The following ATP9B variants were observed in gnomAD, a reference collection of about 807,000 sequenced individuals.
The protein encoded by ATP9B is ATPase phospholipid transporting 9B.
ATP9B carries 110 observed loss-of-function variants against 146.1 expected under a neutral mutation model. That is an observed-to-expected ratio of 0.75 (90% CI 0.65 to 0.88). The LOEUF is 0.88. Ranked by LOEUF, ATP9B falls within the 40% of genes least tolerant of loss-of-function variation. The probability of loss-of-function intolerance (pLI) is 0.00; values close to 1 mark genes in which losing one functional copy is unlikely to be tolerated. For synonymous variants in ATP9B, 604 were observed against 569.7 expected (o/e 1.06, Z -0.86); for missense variants, 1,499 against 1,496.4 (o/e 1.00, Z -0.03).
intron 10 of ATP9B, among the ~76,000 whole-genome samples, chr18:79,209,343 G>A (rs2095562897): frequency 6.6e-6 from 1 of 152,172 alleles, no homozygotes; most frequent in South Asian, 2.1e-4. Flanking sequence ...AGAATCATTC[G>A]TGAAGATAGT....
intron 8 of ATP9B, among the ~76,000 whole-genome samples, chr18:79,187,944 T>TG (rs1568360877): frequency 6.6e-6 from 1 of 152,012 alleles, no homozygotes; most frequent in Admixed American, 6.5e-5. Context: ...GATTTTTTTT[T>TG]TAAGTGATTG....
chr18:79,157,965 GT>G lies in ATP9B; in HGVS notation c.778+3414del, dbSNP rs367712002. Reference sequence around the variant, plus strand: ...GATCTTTTAAAATAACCAGCTTTTGGTTTTAATGATTTTTCTCACTTGTTTT... The same window carrying G: ...GATCTTTTAAAATAACCAGCTTTTGGTTTAATGATTTTTCTCACTTGTTTT... On this transcript the variant is annotated intron_variant, in intron 7 of 29. Transcript: ENST00000426216. Among the ~76,000 whole-genome samples the G allele has an allele frequency of 3.7e-3, 569 of 152,044 alleles. 3 individuals are homozygous for G. Among genetic ancestry groups the G allele is most frequent in the South Asian group, 0.024 (117 of 4,812 alleles).
intron 11 of ATP9B, among the ~76,000 whole-genome samples, chr18:79,227,089 T>C (rs1447602103): frequency 6.6e-6 from 1 of 152,178 alleles, no homozygotes; most frequent in East Asian, 1.9e-4. Context: ...CCTGTTACTT[T>C]CCTTGATTGA....
At chr18:79,200,354 A>C (rs550936610) in intron 9 of ATP9B, among the ~76,000 whole-genome samples, 2 of 152,356 alleles carry the variant, frequency 1.3e-5, no homozygotes, top group East Asian at 3.9e-4. Flanking sequence ...ATCCATTATG[A>C]TAGTTGGAGA....
intron 1 of ATP9B, among the ~76,000 whole-genome samples, chr18:79,082,936 C>G (rs1228389509): frequency 6.6e-6 from 1 of 152,216 alleles, no homozygotes; most frequent in Admixed American, 6.5e-5. Flanking sequence ...AAGCGCTGTG[C>G]TGGGAGATAC....
At chr18:79,356,316 T>C (rs1331183049) in intron 25 of ATP9B, among the ~76,000 whole-genome samples, 1 of 151,674 alleles carries the variant, frequency 6.6e-6, no homozygotes, top group African/African-American at 2.4e-5. Flanking sequence ...TGAGCGTTTA[T>C]ACCCTCTCAC....
At chr18:79,077,468 GTGT>G (rs1454768794) in intron 1 of ATP9B, among the ~76,000 whole-genome samples, 1 of 152,190 alleles carries the variant, frequency 6.6e-6, no homozygotes, top group Non-Finnish European at 1.5e-5. Context: ...TGCATGGGTG[GTGT>G]TACCTTTTAG....
intron 11 of ATP9B, among the ~76,000 whole-genome samples, chr18:79,231,942 A>G (rs937982008): frequency 6.6e-6 from 1 of 152,120 alleles, no homozygotes; most frequent in African/African-American, 2.4e-5. Context: ...ATCTGTTCTC[A>G]TAAGTGGGAG....
At chr18:79,106,905 G>A (rs1391850945) in intron 2 of ATP9B, among the ~76,000 whole-genome samples, 2 of 152,118 alleles carry the variant, frequency 1.3e-5, no homozygotes, top group Admixed American at 6.6e-5. Context: ...GTGGTCTTGC[G>A]TTTATAGTGT....
intron 15 of ATP9B, among the ~76,000 whole-genome samples, chr18:79,311,879 C>G (rs2096654339): frequency 6.6e-6 from 1 of 152,204 alleles, no homozygotes; most frequent in African/African-American, 2.4e-5. Context: ...CTGTCACCAT[C>G]ACCGGAGCTT....
At chr18:79,190,383 T>G (rs1045828688) in intron 8 of ATP9B, among the ~76,000 whole-genome samples, 1 of 152,104 alleles carries the variant, frequency 6.6e-6, no homozygotes, top group Non-Finnish European at 1.5e-5. Flanking sequence ...TCTAACAGAT[T>G]TATTGAAGAA....
intron 4 of ATP9B, among the ~76,000 whole-genome samples, chr18:79,118,224 AT>A (rs897796852): frequency 2.0e-5 from 3 of 152,064 alleles, no homozygotes; most frequent in African/African-American, 7.2e-5. Context: ...TTGCTTATGC[AT>A]TTGTGCAAAA....
intron 11 of ATP9B, among the ~76,000 whole-genome samples, chr18:79,215,412 C>A (rs2095618728): frequency 6.6e-6 from 1 of 152,124 alleles, no homozygotes. Flanking sequence ...CCCCAGATAT[C>A]TGTGTGTTAC....
intron 9 of ATP9B, among the ~76,000 whole-genome samples, chr18:79,197,282 G>T (rs1398330970): frequency 6.6e-6 from 1 of 152,020 alleles, no homozygotes; most frequent in East Asian, 1.9e-4. Context: ...ATTGGTAATG[G>T]AGACACTGCA....
rs75692892 is a variant in ATP9B at position 79,267,342 on chromosome 18, T to C, written c.1269-9712T>C. On this transcript the variant is annotated intron_variant, in intron 12 of 29. Coordinates refer to ENST00000426216, the MANE Select transcript of ATP9B (RefSeq NM_198531.5). ...CCACTCTTCCAATAGGTTTGCCAGCTTTCATTTCTTATGGAAATACCTACT... is the reference window on the plus strand; with the variant it reads ...CCACTCTTCCAATAGGTTTGCCAGCCTTCATTTCTTATGGAAATACCTACT... 5.9e-5 allele frequency among the ~76,000 whole-genome samples: 9 copies of C among 152,208 alleles called. No individual in the cohort carries two copies. The East Asian group carries it at 1.7e-3, about 29-fold the overall frequency.
At chr18:79,185,348 T>G (rs2095297695) in intron 8 of ATP9B, among the ~76,000 whole-genome samples, 1 of 29,350 alleles carries the variant, frequency 3.4e-5, no homozygotes, top group South Asian at 8.8e-4. Flanking sequence ...ATAAGGATAC[T>G]TTCTTTATTT....
At chr18:79,364,842 A>G (rs554083287) in intron 26 of ATP9B, among the ~76,000 whole-genome samples, 4 of 152,234 alleles carry the variant, frequency 2.6e-5, no homozygotes, top group South Asian at 2.1e-4. Flanking sequence ...TGGGCAATAT[A>G]GTGAGACCGT....
In ATP9B at chr18:79,162,894, G is replaced by A. The variant is rs530894271; in HGVS notation, c.778+8339G>A. 1.2e-4 allele frequency among the ~76,000 whole-genome samples: 19 copies of A among 152,278 alleles called. No homozygotes were observed. The South Asian group carries it at 3.9e-3, about 32-fold the overall frequency. On this transcript the variant is annotated intron_variant, in intron 7 of 29. Transcript: ENST00000426216. Reference sequence around the variant, plus strand: ...CAGACTCGTGCTCCGACGGTGTCCTGTCAGTTTCTTCAGCACACTTGATGC... The same window carrying A: ...CAGACTCGTGCTCCGACGGTGTCCTATCAGTTTCTTCAGCACACTTGATGC...
At chr18:79,272,289 G>A (rs922026834) in intron 12 of ATP9B, among the ~76,000 whole-genome samples, 20 of 152,212 alleles carry the variant, frequency 1.3e-4, no homozygotes, top group African/African-American at 4.6e-4. Context: ...ATGCTTCCAT[G>A]TTTAGGGTGT....
Sources: allele counts gnomAD v4.1 joint callset (sites outside exome capture counted in the v4.1 genomes callset), GRCh38; gene constraint gnomAD v4.1.1; transcripts MANE v1.5; gene names NCBI Gene and HGNC (gene_info 2026-07-23, HGNC 2026-07-21).